Variants in KHDRBS2 observed in about 807,000 individuals in gnomAD.
KHDRBS2 encodes KH RNA binding domain containing, signal transduction associated 2.
Under a neutral mutation model 44.3 loss-of-function variants are expected in KHDRBS2, and 26 were observed. That is an observed-to-expected ratio of 0.59 (90% CI 0.43 to 0.81). The LOEUF (loss-of-function observed/expected upper bound fraction) is 0.81, where lower values mean the gene tolerates loss of function less well. Among genes scored for constraint, KHDRBS2 ranks in the 40% least tolerant of loss-of-function variants. The pLI, the probability that KHDRBS2 is intolerant of heterozygous loss-of-function variation, is 0.00. For synonymous variants in KHDRBS2, 194 were observed against 151.1 expected (o/e 1.28, Z -2.08); for missense variants, 476 against 433.1 (o/e 1.10, Z -0.88).
chr6:62,148,962 C>T (rs1814516832), intron 2 of KHDRBS2, among the ~76,000 whole-genome samples: 1 of 152,060 alleles, frequency 6.6e-6, no homozygotes, highest in Non-Finnish European at 1.5e-5. Flanking sequence ...CAACCACTTG[C>T]CTCTTATCTA....
chr6:62,125,385 C>T (rs1371411184), intron 2 of KHDRBS2, among the ~76,000 whole-genome samples: 1 of 152,162 alleles, frequency 6.6e-6, no homozygotes. Flanking sequence ...CTTAAGTGCT[C>T]TAGGGTCCTC....
chr6:62,219,518 A>G (rs975742210), intron 1 of KHDRBS2, among the ~76,000 whole-genome samples: 5 of 151,668 alleles, frequency 3.3e-5, no homozygotes, highest in African/African-American at 1.2e-4. Context: ...AATAAATACA[A>G]AGATAAATAG....
chr6:61,662,446 T>G, the KHDRBS2 span, among the ~76,000 whole-genome samples: 2 of 151,900 alleles, frequency 1.3e-5, no homozygotes, highest in East Asian at 3.9e-4. Context: ...GAAACTACCA[T>G]CAGAGTGAAC....
At chr6:61,848,991 T>G (rs541232255) in intron 6 of KHDRBS2, among the ~76,000 whole-genome samples, 6 of 152,138 alleles carry the variant, frequency 3.9e-5, no homozygotes. Context: ...AACACAATCA[T>G]TACATATCAC....
chr6:61,732,445 A>C (rs1774632099), intron 7 of KHDRBS2, among the ~76,000 whole-genome samples: 1 of 152,150 alleles, frequency 6.6e-6, no homozygotes, highest in African/African-American at 2.4e-5. Flanking sequence ...TAACGAGTTG[A>C]TTGGTTGCCA....
At chr6:61,884,561 A>C (rs541440517) in intron 6 of KHDRBS2, among the ~76,000 whole-genome samples, 24 of 152,042 alleles carry the variant, frequency 1.6e-4, no homozygotes, top group Non-Finnish European at 3.2e-4. Context: ...CCAACATATG[A>C]GTTACAAGAG....
At chr6:61,961,692 C>T (rs764511678) in intron 4 of KHDRBS2, among the ~76,000 whole-genome samples, 1 of 152,008 alleles carries the variant, frequency 6.6e-6, no homozygotes, top group Non-Finnish European at 1.5e-5. Context: ...CTGACTTGCG[C>T]ATGGGTACAG....
chr6:62,082,997 A>AT (rs1227060302), intron 2 of KHDRBS2, among the ~76,000 whole-genome samples: 1 of 152,182 alleles, frequency 6.6e-6, no homozygotes, highest in Non-Finnish European at 1.5e-5. Context: ...AGGCAGAGAA[A>AT]TACTAGTAGA....
chr6:61,754,237 T>C (rs1252223035), intron 6 of KHDRBS2, among the ~76,000 whole-genome samples: 3 of 152,124 alleles, frequency 2.0e-5, no homozygotes, highest in Non-Finnish European at 4.4e-5. Flanking sequence ...CTGTCTATGT[T>C]AAAACAAAAC....
At chr6:62,084,253 G>A (rs578210920) in intron 2 of KHDRBS2, among the ~76,000 whole-genome samples, 11 of 152,222 alleles carry the variant, frequency 7.2e-5, no homozygotes, top group South Asian at 4.1e-4. Flanking sequence ...AATGTCTTCC[G>A]TCTTCATCTT....
chr6:61,581,719 C>T, the KHDRBS2 span, among the ~76,000 whole-genome samples: 1 of 150,502 alleles, frequency 6.6e-6, no homozygotes, highest in Non-Finnish European at 1.5e-5. Flanking sequence ...AATCTGAAAA[C>T]ATCACTGTTT....
At chr6:61,628,888 T>C in the KHDRBS2 span, among the ~76,000 whole-genome samples, 1 of 152,348 alleles carries the variant, frequency 6.6e-6, no homozygotes, top group African/African-American at 2.4e-5. Context: ...TTTTGTGATC[T>C]CAAGGACATA....
At chr6:62,069,934 T>C (rs951885842) in intron 2 of KHDRBS2, among the ~76,000 whole-genome samples, 40 of 151,816 alleles carry the variant, frequency 2.6e-4, no homozygotes, top group African/African-American at 8.9e-4. Context: ...TTTTATGCAT[T>C]GATGGATACC....
chr6:61,620,662 C>A, the KHDRBS2 span, among the ~76,000 whole-genome samples: 1 of 152,156 alleles, frequency 6.6e-6, no homozygotes, highest in African/African-American at 2.4e-5. Flanking sequence ...GCAAAGAGAG[C>A]AGTTGGGAAG....
chr6:61,615,030 T>A, the KHDRBS2 span, among the ~76,000 whole-genome samples: 2 of 151,606 alleles, frequency 1.3e-5, no homozygotes, highest in Non-Finnish European at 2.9e-5. Context: ...GGTCAGGAGT[T>A]TGAGACCAGC....
chr6:61,663,588 G>A, the KHDRBS2 span, among the ~76,000 whole-genome samples: 14 of 130,586 alleles, frequency 1.1e-4, no homozygotes, highest in Middle Eastern at 4.5e-3. Context: ...TCTGACTACC[G>A]CTGACCATTA....
chr6:62,021,334 A>G (rs941941983), intron 3 of KHDRBS2, among the ~76,000 whole-genome samples: 2 of 151,908 alleles, frequency 1.3e-5, no homozygotes, highest in Non-Finnish European at 2.9e-5. Flanking sequence ...GGGTGACAAA[A>G]CAATATGTAC....
intron 6 of KHDRBS2, among the ~76,000 whole-genome samples, chr6:61,791,916 A>G (rs1784692888): frequency 6.6e-6 from 1 of 151,440 alleles, no homozygotes; most frequent in Admixed American, 6.6e-5. Context: ...TTGTTGATAT[A>G]TTTGAATTTA....
At chr6:62,029,808 T>C (rs1215966222) in intron 3 of KHDRBS2, among the ~76,000 whole-genome samples, 7 of 152,018 alleles carry the variant, frequency 4.6e-5, no homozygotes, top group African/African-American at 1.7e-4. Context: ...ATTCAATGGA[T>C]GGATTTTAAT....
Sources: allele counts gnomAD v4.1 joint callset (sites outside exome capture counted in the v4.1 genomes callset), GRCh38; gene constraint gnomAD v4.1.1; transcripts MANE v1.5; gene names NCBI Gene and HGNC (gene_info 2026-07-23, HGNC 2026-07-21).